Variants in UNC80 observed in about 807,000 individuals in gnomAD.
UNC80 encodes unc-80 subunit of NALCN channel complex, also known as protein unc-80 homolog.
UNC80 carries 164 observed loss-of-function variants against 384.6 expected under a neutral mutation model. That is an observed-to-expected ratio of 0.43 (90% CI 0.38 to 0.49). The LOEUF (loss-of-function observed/expected upper bound fraction) is 0.49. Among genes scored for constraint, UNC80 ranks in the 20% least tolerant of loss-of-function variants. The pLI is 0.00. For missense variants in UNC80, 3,330 were observed against 4,143.0 expected (o/e 0.80, Z 5.39); for synonymous variants, 1,486 against 1,527.8 (o/e 0.97, Z 0.64).
At chr2:209,948,753 G>A (rs2092023937) in intron 47 of UNC80, among the ~76,000 whole-genome samples, 1 of 152,046 alleles carries the variant, frequency 6.6e-6, no homozygotes, top group Non-Finnish European at 1.5e-5. Flanking sequence ...GTATGGAGGG[G>A]ATTTCCAATA....
chr2:209,866,196 A>ATTGAATGGGG (rs1263714448), intron 22 of UNC80, among the ~76,000 whole-genome samples: 5 of 152,084 alleles, frequency 3.3e-5, no homozygotes, highest in African/African-American at 1.2e-4. Context: ...CCTTCTGTAA[A>ATTGAATGGGG]TTGAAAATAT....
rs1254986393 is a variant in UNC80 at position 209,829,261 on chromosome 2, G to A, written c.2508G>A (p.Lys836=). Residue 836 remains lysine, a synonymous_variant, in exon 15 of 65, where the codon AAG becomes AAA. Coordinates refer to ENST00000673920, the MANE Select transcript of UNC80 (RefSeq NM_001371986.1). ...NAQNCLTKLY[K]LDKMQFRQTM... ...AGAACTGCCTCACTAAGCTATACAA[G>A]CTAGATAAGATGCAGTTCCGACAAA... The A allele has an allele frequency of 3.9e-6, 6 of 1,551,240 alleles. No homozygotes were observed. The highest frequency in any genetic ancestry group is 5.2e-6 in the Non-Finnish European group (6 of 1,146,772).
intron 25 of UNC80, among the ~76,000 whole-genome samples, chr2:209,886,642 G>T (rs1252024931): frequency 6.6e-6 from 1 of 151,986 alleles, no homozygotes; most frequent in African/African-American, 2.4e-5. Context: ...TCTTAGAAGG[G>T]AGTAAGAAAT....
intron 5 of UNC80, among the ~76,000 whole-genome samples, chr2:209,787,242 T>TCTCGGCACCTTCCTG (rs2153825321): frequency 8.0e-6 from 1 of 124,702 alleles, no homozygotes; most frequent in East Asian, 2.8e-4. Context: ...CGGCACCAGT[T>TCTCGGCACCTTCCTG]TACTCACAAT....
intron 26 of UNC80, among the ~76,000 whole-genome samples, chr2:209,891,892 G>T (rs535973105): frequency 1.3e-5 from 2 of 152,046 alleles, no homozygotes; most frequent in Non-Finnish European, 2.9e-5. Flanking sequence ...TATACCATTT[G>T]GTTTTGTAAA....
chr2:209,866,152 C>T (rs2083744026), intron 22 of UNC80, among the ~76,000 whole-genome samples: 1 of 152,092 alleles, frequency 6.6e-6, no homozygotes, highest in African/African-American at 2.4e-5. Context: ...CTTATCTTTT[C>T]AATATTGTGT....
At chr2:209,772,683 AT>A (rs1268997141) in intron 1 of UNC80, among the ~76,000 whole-genome samples, 1 of 152,212 alleles carries the variant, frequency 6.6e-6, no homozygotes, top group East Asian at 1.9e-4. Flanking sequence ...ACCTATTCCA[AT>A]AAACAGAAAA....
intron 21 of UNC80, among the ~76,000 whole-genome samples, chr2:209,847,749 A>G (rs1164184945): frequency 6.6e-6 from 1 of 152,048 alleles, no homozygotes; most frequent in Admixed American, 6.6e-5. Context: ...ATGCTTCCTT[A>G]AATAAAATGA....
chr2:209,776,697 A>AAAG (rs1226148846), intron 3 of UNC80, among the ~76,000 whole-genome samples: 4 of 152,224 alleles, frequency 2.6e-5, no homozygotes, highest in African/African-American at 9.6e-5. Context: ...CTCAGTTCCT[A>AAAG]AAGCAACCAC....
intron 42 of UNC80, among the ~76,000 whole-genome samples, chr2:209,938,710 C>CTCTCTGTGTGTGTGTGTG (rs1491352008): frequency 1.1e-4 from 9 of 83,516 alleles, no homozygotes; most frequent in African/African-American, 3.5e-4. Context: ...CTCTCTCTCT[C>CTCTCTGTGTGTGTGTGTG]TGTGTGTGTG....
intron 47 of UNC80, among the ~76,000 whole-genome samples, chr2:209,952,785 AC>A (rs2092245223): frequency 6.6e-6 from 1 of 152,214 alleles, no homozygotes; most frequent in Non-Finnish European, 1.5e-5. Flanking sequence ...GCAGCAAGGT[AC>A]TTTTTATTGT....
chr2:209,930,011 A>C (rs1361964823), intron 37 of UNC80, 40 bp downstream of exon 37: 14 of 1,385,828 alleles, frequency 1.0e-5, no homozygotes, highest in Admixed American at 5.5e-5. Context: ...CTGTGGCTAC[A>C]AGTGTGAACA....
intron 13 of UNC80, among the ~76,000 whole-genome samples, chr2:209,824,695 C>G (rs912704989): frequency 1.3e-4 from 20 of 152,088 alleles, no homozygotes; most frequent in African/African-American, 4.8e-4. Flanking sequence ...TCAGCACCAC[C>G]TCCACTACAA....
At chr2:209,785,926 C>T in intron 4 of UNC80, 140 bp from the exon 5 acceptor site, 4 of 938,312 alleles carry the variant, frequency 4.3e-6, no homozygotes, top group Non-Finnish European at 6.2e-6. Context: ...AAACATTCAT[C>T]TGACTAATGA....
At chr2:209,874,088 A>G (rs1413012508) in intron 23 of UNC80, among the ~76,000 whole-genome samples, 3 of 152,186 alleles carry the variant, frequency 2.0e-5, no homozygotes, top group Non-Finnish European at 2.9e-5. Context: ...TGCACATTAT[A>G]TATGAGAAGA....
Position 209,973,951 on chromosome 2 carries a change from T to C in UNC80, c.8587+681T>C, listed in dbSNP as rs536880221. 6.8e-4 allele frequency among the ~76,000 whole-genome samples: 104 copies of C among 152,286 alleles called. 2 individuals carry two copies. In the South Asian group the frequency reaches 0.013, roughly 20 times the overall value. On this transcript the variant is annotated intron_variant, in intron 56 of 64. Transcript: ENST00000673920. Reference sequence around the variant, plus strand: ...CCCTTTCCCTCTTTGACTCCTACTTTCCCGTTATCCTATGCTGCCTTTAAC... The same window carrying C: ...CCCTTTCCCTCTTTGACTCCTACTTCCCCGTTATCCTATGCTGCCTTTAAC...
At position 209,936,825 on chromosome 2, in the gene UNC80, T is replaced by C; in HGVS notation, c.6274-19T>C. On this transcript the variant is annotated intron_variant, in intron 40 of 64. Coordinates refer to ENST00000673920, the MANE Select transcript of UNC80 (RefSeq NM_001371986.1). ...TCTTCCTGATAAACATTTATTAAAATTTGTTGCTATTGTTCTAGGAGTGTC... is the reference window on the plus strand; with the variant it reads ...TCTTCCTGATAAACATTTATTAAAACTTGTTGCTATTGTTCTAGGAGTGTC... 1.3e-6 allele frequency: 2 copies of C among 1,486,630 alleles called. No homozygotes were observed. Among genetic ancestry groups the C allele is most frequent in the Non-Finnish European group, 9.2e-7 (1 of 1,088,056 alleles). The allele number at this position is 1,486,630 out of a possible 1,614,324, so 92.1% of individuals were successfully genotyped here.
At chr2:209,807,459 G>A (rs1225081807) in intron 7 of UNC80, among the ~76,000 whole-genome samples, 1 of 151,270 alleles carries the variant, frequency 6.6e-6, no homozygotes, top group Non-Finnish European at 1.5e-5. Context: ...CTGCCTCCTG[G>A]GTTCACGCCA....
chr2:209,907,710 T>C (rs1413261484), intron 29 of UNC80, among the ~76,000 whole-genome samples: 2 of 152,236 alleles, frequency 1.3e-5, no homozygotes, highest in Non-Finnish European at 2.9e-5. Context: ...GTTCTTACAC[T>C]TAATTATAAG....
Sources: allele counts gnomAD v4.1 joint callset (sites outside exome capture counted in the v4.1 genomes callset), GRCh38; gene constraint gnomAD v4.1.1; transcripts MANE v1.5; gene names NCBI Gene and HGNC (gene_info 2026-07-23, HGNC 2026-07-21).